Variants in ADCYAP1R1 observed in about 807,000 individuals in gnomAD.
ADCYAP1R1 encodes pituitary adenylate cyclase-activating polypeptide type I receptor.
In ADCYAP1R1, 44 loss-of-function variants were observed where a neutral mutation model predicts 67.6. The observed-to-expected ratio is 0.65, with a 90% CI of 0.51 to 0.84. The LOEUF (loss-of-function observed/expected upper bound fraction) is 0.84. Ranked by LOEUF, ADCYAP1R1 falls within the 40% of genes least tolerant of loss-of-function variation. The pLI, the probability that ADCYAP1R1 is intolerant of heterozygous loss-of-function variation, is 0.00. For missense variants in ADCYAP1R1, 477 were observed against 587.9 expected (o/e 0.81, Z 1.95); for synonymous variants, 222 against 219.6 (o/e 1.01, Z -0.10).
chr7:31,064,998 G>A (rs1007446148), intron 3 of ADCYAP1R1, 62 bp downstream of exon 3: 3 of 1,342,234 alleles, frequency 2.2e-6, no homozygotes, highest in Non-Finnish European at 2.1e-6. Flanking sequence ...CTGTTTTCCT[G>A]TGCTCAGGCT....
Position 31,061,770 on chromosome 7 carries a change from G to A in ADCYAP1R1, c.-71-1424G>A, listed in dbSNP as rs573998332. Among the ~76,000 whole-genome samples the A allele has an allele frequency of 6.6e-5, 10 of 152,286 alleles. No individual in the cohort carries two copies. The East Asian group carries it at 1.9e-3, about 29-fold the overall frequency. On this transcript the variant is annotated intron_variant, in intron 1 of 15. Coordinates refer to ENST00000304166, the MANE Select transcript of ADCYAP1R1 (RefSeq NM_001118.5). ...TGTGGGAGGCAAGGAGAGAGGGAGGGGACGTGGTTAAGCAGAGAGTGAGGG... is the reference window on the plus strand; with the variant it reads ...TGTGGGAGGCAAGGAGAGAGGGAGGAGACGTGGTTAAGCAGAGAGTGAGGG...
chr7:31,094,110 C>T (rs556618891), intron 13 of ADCYAP1R1, among the ~76,000 whole-genome samples: 1 of 152,312 alleles, frequency 6.6e-6, no homozygotes, highest in East Asian at 1.9e-4. Context: ...GATTACATTA[C>T]ATTGGAAAAA....
At chr7:31,094,422 C>T (rs1043619919) in intron 13 of ADCYAP1R1, among the ~76,000 whole-genome samples, 1 of 152,026 alleles carries the variant, frequency 6.6e-6, no homozygotes, top group African/African-American at 2.4e-5. Context: ...CCTGCTTGGG[C>T]GTGGATCAGG....
intron 3 of ADCYAP1R1, among the ~76,000 whole-genome samples, chr7:31,076,361 G>A (rs888498773): frequency 1.3e-5 from 2 of 152,224 alleles, no homozygotes; most frequent in Non-Finnish European, 2.9e-5. Context: ...GGAGCAGGAA[G>A]AGGTGGTGTC....
Position 31,052,500 on chromosome 7 carries a change from G to T in ADCYAP1R1, c.-250G>T, listed in dbSNP as rs1382582739. 6.7e-6 allele frequency: 1 copy of T among 150,286 alleles called. No homozygotes were observed. Among genetic ancestry groups the T allele is most frequent in the African/African-American group, 2.4e-5 (1 of 41,164 alleles). 9.3% of individuals were successfully genotyped at this position (150,286 alleles called of 1,614,324 possible). ...CGCGTGCGCACACGCACACGCCGCC[G>T]CGCAGGGACACACGGACCCCGGCCG... is the stretch of plus-strand genomic sequence containing the variant. On this transcript the variant is annotated 5_prime_UTR_variant, in exon 1 of 16. Coordinates refer to ENST00000304166, the MANE Select transcript of ADCYAP1R1 (RefSeq NM_001118.5).
chr7:31,070,478 C>A (rs987841828), intron 3 of ADCYAP1R1, among the ~76,000 whole-genome samples: 7 of 152,176 alleles, frequency 4.6e-5, no homozygotes, highest in Non-Finnish European at 8.8e-5. Flanking sequence ...GCACCAAATG[C>A]CTTGAACCAG....
intron 4 of ADCYAP1R1, among the ~76,000 whole-genome samples, chr7:31,078,562 G>A (rs1391744753): frequency 6.6e-6 from 1 of 152,232 alleles, no homozygotes; most frequent in Non-Finnish European, 1.5e-5. Flanking sequence ...GAGGCATGGA[G>A]AGAGACGCAC....
intron 13 of ADCYAP1R1, among the ~76,000 whole-genome samples, chr7:31,097,629 G>A (rs559376010): frequency 2.7e-4 from 41 of 152,090 alleles, no homozygotes; most frequent in African/African-American, 9.2e-4. Flanking sequence ...TCACTAAATG[G>A]TCTTTGGAAT....
chr7:31,063,250 T>C lies in ADCYAP1R1; in HGVS notation c.-15T>C, dbSNP rs1333611681. ...GCTGTCAGTGGGAGGCCAGTGGTGC[T>C]GGCCAAGAAGTGTCATGGCTGGTGT... On this transcript the variant is annotated 5_prime_UTR_variant, in exon 2 of 16. Coordinates refer to ENST00000304166, the MANE Select transcript of ADCYAP1R1 (RefSeq NM_001118.5). The C allele has an allele frequency of 1.9e-5, 30 of 1,614,194 alleles. No homozygotes were observed. The highest frequency in any genetic ancestry group is 2.5e-5 in the Non-Finnish European group (30 of 1,180,014).
intron 13 of ADCYAP1R1, among the ~76,000 whole-genome samples, chr7:31,098,744 T>C (rs1355305093): frequency 7.1e-6 from 1 of 141,688 alleles, no homozygotes; most frequent in Non-Finnish European, 1.5e-5. Flanking sequence ...ATCTTGGAAA[T>C]GTGTGACACA....
intron 3 of ADCYAP1R1, among the ~76,000 whole-genome samples, chr7:31,073,667 G>A (rs1795083064): frequency 1.3e-5 from 2 of 152,152 alleles, no homozygotes; most frequent in Admixed American, 1.3e-4. Flanking sequence ...GGAGCCTGCT[G>A]GGTCCTCCCA....
intron 12 of ADCYAP1R1, 133 bp downstream of exon 12, chr7:31,087,829 CAG>C (rs1762908165): frequency 1.6e-6 from 1 of 613,158 alleles, no homozygotes; most frequent in South Asian, 2.3e-5. Context: ...TAATCTGTAA[CAG>C]GGATGCACAA....
At chr7:31,084,429 T>C (rs1795651760) in intron 7 of ADCYAP1R1, among the ~76,000 whole-genome samples, 179 bp downstream of exon 7, 1 of 152,228 alleles carries the variant, frequency 6.6e-6, no homozygotes, top group South Asian at 2.1e-4. Context: ...ACTGGGTTAA[T>C]GCCAGGCCCA....
chr7:31,068,158 A>G (rs1794822394), intron 3 of ADCYAP1R1, among the ~76,000 whole-genome samples: 1 of 152,136 alleles, frequency 6.6e-6, no homozygotes, highest in South Asian at 2.1e-4. Flanking sequence ...CAGCACTTCA[A>G]GGCGGGCACT....
At chr7:31,062,643 A>G (rs952500352) in intron 1 of ADCYAP1R1, among the ~76,000 whole-genome samples, 4 of 152,176 alleles carry the variant, frequency 2.6e-5, no homozygotes, top group Non-Finnish European at 5.9e-5. Flanking sequence ...GATACGGTTC[A>G]CGTCCACACT....
At chr7:31,052,884 C>G (rs1335789322) in intron 1 of ADCYAP1R1, among the ~76,000 whole-genome samples, 2 of 152,148 alleles carry the variant, frequency 1.3e-5, no homozygotes, top group Non-Finnish European at 2.9e-5. Context: ...CCGCTGCGCC[C>G]TTCCTGCGCG....
In ADCYAP1R1 at chr7:31,106,989, C is replaced by G. The variant is rs370062379; in HGVS notation, c.*305C>G. On this transcript the variant is annotated 3_prime_UTR_variant, in exon 16 of 16. Transcript: ENST00000304166. Reference sequence around the variant, plus strand: ...TGTCCCTGCTCACTTCCAGTCAGGTCTCAGCTCCACCCCACTGTTTCTTGG... The same window carrying G: ...TGTCCCTGCTCACTTCCAGTCAGGTGTCAGCTCCACCCCACTGTTTCTTGG... 5.9e-6 allele frequency: 2 copies of G among 338,084 alleles called. No homozygotes were observed. The highest frequency in any genetic ancestry group is 4.3e-5 in the African/African-American group (2 of 46,868). 20.9% of individuals were successfully genotyped at this position (338,084 alleles called of 1,614,324 possible).
intron 6 of ADCYAP1R1, among the ~76,000 whole-genome samples, chr7:31,082,404 A>T (rs1244503039): frequency 6.6e-6 from 1 of 152,212 alleles, no homozygotes; most frequent in Non-Finnish European, 1.5e-5. Context: ...AAGGGTTTAT[A>T]CTTCTCTGAG....
Position 31,071,415 on chromosome 7 carries a change from C to T in ADCYAP1R1, c.157+6479C>T, listed in dbSNP as rs181964234. 6.6e-5 allele frequency among the ~76,000 whole-genome samples: 10 copies of T among 152,248 alleles called. No homozygotes were observed. The East Asian group carries it at 1.9e-3, about 29-fold the overall frequency. Reference sequence around the variant, plus strand: ...CTCTCCCCATGTCCCCCAGTGGGGGCCTATACACAGATGGAGCCATGAGGC... The same window carrying T: ...CTCTCCCCATGTCCCCCAGTGGGGGTCTATACACAGATGGAGCCATGAGGC... On this transcript the variant is annotated intron_variant, in intron 3 of 15. Transcript: ENST00000304166.
Sources: allele counts gnomAD v4.1 joint callset (sites outside exome capture counted in the v4.1 genomes callset), GRCh38; gene constraint gnomAD v4.1.1; transcripts MANE v1.5; gene names NCBI Gene and HGNC (gene_info 2026-07-23, HGNC 2026-07-21).